Variants in LY6G5C observed in about 807,000 individuals in gnomAD.
LY6G5C encodes the protein lymphocyte antigen 6 complex locus protein G5c.
In LY6G5C, 6 loss-of-function variants were observed where a neutral mutation model predicts 10.5. That is an observed-to-expected ratio of 0.57 (90% CI 0.31 to 1.12). The LOEUF (loss-of-function observed/expected upper bound fraction) is 1.12, where lower values mean the gene tolerates loss of function less well. Among genes scored for constraint, LY6G5C ranks in the 50% most tolerant of loss-of-function variants. The probability of loss-of-function intolerance (pLI) is 0.05; values close to 1 mark genes in which losing one functional copy is unlikely to be tolerated. For missense variants in LY6G5C, 160 were observed against 185.5 expected (o/e 0.86, Z 0.80); for synonymous variants, 69 against 67.8 (o/e 1.02, Z -0.09).
chr6:31,677,086 T>G, exon 3 of LY6G5C: 1 of 1,612,776 alleles, frequency 6.2e-7, no homozygotes, highest in Non-Finnish European at 8.5e-7. Context: ...GCTCCTTACT[T>G]CGGCAGTCAC....
rs764370491 is a variant in LY6G5C at position 31,680,227 on chromosome 6, C to A, written c.121+26G>T. On this transcript the variant is annotated intron_variant, in intron 1 of 2. Transcript: ENST00000383237. This position sits in a 1 kb window ranked among gnomAD's most constrained non-coding sequence, Gnocchi z 4.5. ...GGTTTCTCCATCCAGGCCAGGAGAC[C>A]CTTCTGAACCCTTGGAGCCACTTAC... 6.2e-7 allele frequency: 1 copy of A among 1,612,860 alleles called. No homozygotes were observed. The highest frequency in any genetic ancestry group is 8.5e-7 in the Non-Finnish European group (1 of 1,179,988).
exon 3 of LY6G5C, chr6:31,676,968 A>T: frequency 6.2e-7 from 1 of 1,613,058 alleles, no homozygotes; most frequent in South Asian, 1.1e-5. Context: ...TAAGGAGTAT[A>T]GAGCCCTCTG....
intron 2 of LY6G5C, 32 bp from the exon 3 acceptor site, chr6:31,677,152 G>A (rs1802626332): frequency 6.2e-7 from 1 of 1,607,336 alleles, no homozygotes; most frequent in Admixed American, 1.7e-5. Context: ...CAGTGATACG[G>A]AAGTCCCCAG....
chr6:31,676,719 C>A, downstream of LY6G5C: 1 of 493,544 alleles, frequency 2.0e-6, no homozygotes, highest in East Asian at 3.0e-5. Flanking sequence ...GGAGAAACAT[C>A]CAGGGACTAG....
chr6:31,676,767 G>A (rs1479832893), exon 3 of LY6G5C: 4 of 568,370 alleles, frequency 7.0e-6, no homozygotes, highest in African/African-American at 1.9e-5. Flanking sequence ...GTAGGGCTGG[G>A]GGTACAGAGT....
chr6:31,678,421 C>A (rs1477909234), intron 2 of LY6G5C, among the ~76,000 whole-genome samples: 1 of 152,136 alleles, frequency 6.6e-6, no homozygotes, highest in Non-Finnish European at 1.5e-5. Flanking sequence ...AAGGACCAAA[C>A]CTTGGTGAAC....
chr6:31,677,763 CG>C (rs1712637428), intron 2 of LY6G5C, among the ~76,000 whole-genome samples: 1 of 151,734 alleles, frequency 6.6e-6, no homozygotes, highest in African/African-American at 2.4e-5. Context: ...TGGGTTGGGG[CG>C]GGGGAAGAGG....
At position 31,680,331 on chromosome 6, in the gene LY6G5C, G is replaced by T. The variant is rs780218732; in HGVS notation, c.43C>A (p.Pro15Thr). 6.2e-7 allele frequency: 1 copy of T among 1,609,872 alleles called. No individual in the cohort carries two copies. The highest frequency in any genetic ancestry group is 1.1e-5 in the South Asian group (1 of 90,890). Reference sequence around the variant, plus strand: ...TGGGGGCTGCTGTGGAAGCACAGGGGACCCAGACTCTGGCTCCCTGCAGGG... The same window carrying T: ...TGGGGGCTGCTGTGGAAGCACAGGGTACCCAGACTCTGGCTCCCTGCAGGG... The change falls in exon 1 of 3, where the codon CCC becomes ACC. Residue 15 changes from proline (P) to threonine (T), a missense_variant. Transcript: ENST00000383237. The surrounding 1 kb of genome is among the most constrained non-coding windows in gnomAD (Gnocchi z 4.5).
intron 2 of LY6G5C, among the ~76,000 whole-genome samples, chr6:31,677,450 T>C (rs1350799734): frequency 6.6e-6 from 1 of 152,174 alleles, no homozygotes; most frequent in Non-Finnish European, 1.5e-5. Flanking sequence ...TGTATTGTTA[T>C]TTATTTTTCA....
intron 2 of LY6G5C, among the ~76,000 whole-genome samples, chr6:31,678,432 A>G (rs1262028211): frequency 6.6e-6 from 1 of 152,232 alleles, no homozygotes; most frequent in Non-Finnish European, 1.5e-5. Flanking sequence ...CTTGGTGAAC[A>G]TGAACCACTA....
intron 2 of LY6G5C, among the ~76,000 whole-genome samples, chr6:31,678,498 G>A (rs565920552): frequency 1.3e-5 from 2 of 152,324 alleles, no homozygotes; most frequent in South Asian, 4.1e-4. Flanking sequence ...GGAGGATGCA[G>A]GAGAAGAGCA....
chr6:31,679,617 G>A lies in LY6G5C; in HGVS notation c.122-349C>T, dbSNP rs1802771867. On this transcript the variant is annotated intron_variant, in intron 1 of 2. Coordinates refer to ENST00000383237, the Ensembl canonical transcript of LY6G5C. This position sits in a 1 kb window ranked among gnomAD's most constrained non-coding sequence, Gnocchi z 4.4. ...TGGACTCAGTCTTGTTCTATCCTGT[G>A]GATTCTGGTTTTCTCATCCAGCACA... is the stretch of plus-strand genomic sequence containing the variant. The A allele has an allele frequency of 2.8e-6, 1 of 359,450 alleles. No individual in the cohort carries two copies. Among genetic ancestry groups the A allele is most frequent in the East Asian group, 5.1e-5 (1 of 19,604 alleles). 22.3% of individuals were successfully genotyped at this position (359,450 alleles called of 1,614,324 possible).
At position 31,679,758 on chromosome 6, in the gene LY6G5C, C is replaced by A. The variant is rs757180136; in HGVS notation, c.122-490G>T. On this transcript the variant is annotated intron_variant, in intron 1 of 2. Coordinates refer to ENST00000383237, the Ensembl canonical transcript of LY6G5C. This position sits in a 1 kb window ranked among gnomAD's most constrained non-coding sequence, Gnocchi z 4.4. The stretch of plus-strand genomic sequence containing the variant: ...GCCCTGGGGTGGTCACTAGAAATCT[C>A]CTTCAGAGGCTGGGTGCGGTGGCTC... 95 of 190,394 alleles carry A rather than the reference C, an allele frequency of 5.0e-4. No homozygotes were observed. The highest frequency in any genetic ancestry group is 2.6e-3 in the Middle Eastern group (1 of 392). 11.8% of individuals were successfully genotyped at this position (190,394 alleles called of 1,614,324 possible).
In LY6G5C at chr6:31,680,116, T is replaced by A. The variant is rs1431042458; in HGVS notation, c.121+137A>T. ...CATCAGTCCATGAGCAGGCATTCCC[T>A]ACCAAACCCATCTGTCCCATCTCTC... is the stretch of plus-strand genomic sequence containing the variant. On this transcript the variant is annotated intron_variant, in intron 1 of 2. Transcript: ENST00000383237. The surrounding 1 kb of genome is among the most constrained non-coding windows in gnomAD (Gnocchi z 4.5). 3.1e-6 allele frequency: 3 copies of A among 972,442 alleles called. No individual in the cohort carries two copies. In the Admixed American group the frequency reaches 6.0e-5, roughly 19 times the overall value. 60.2% of individuals were successfully genotyped at this position (972,442 alleles called of 1,614,324 possible).
At chr6:31,678,969 C>CAAA (rs9281552) in intron 2 of LY6G5C, 132 bp downstream of exon 2, 442 of 877,600 alleles carry the variant, frequency 5.0e-4, no homozygotes, top group Middle Eastern at 7.4e-4. Flanking sequence ...GACAGAGCAG[C>CAAA]AAAAAAAAAA....
rs1354278325 is a variant in LY6G5C, at chr6:31,679,544, G to T, written c.122-276C>A. On this transcript the variant is annotated intron_variant, in intron 1 of 2. Coordinates refer to ENST00000383237, the Ensembl canonical transcript of LY6G5C. The surrounding 1 kb of genome is among the most constrained non-coding windows in gnomAD (Gnocchi z 4.4). ...GTGCTAAACCAACACTTTGAATCCT[G>T]TGTCTCTGTGGCTGGTGCTTTGCAG... 1 of 513,294 alleles carries T rather than the reference G, an allele frequency of 1.9e-6. No homozygotes were observed. The allele number at this position is 513,294 out of a possible 1,614,324, so 31.8% of individuals were successfully genotyped here. A position where few individuals can be genotyped will look rare whatever the true frequency, so the allele number is the denominator to read the frequency against.
At position 31,679,504 on chromosome 6, in the gene LY6G5C, G is replaced by A; in HGVS notation, c.122-236C>T. 1.7e-6 allele frequency: 1 copy of A among 577,758 alleles called. No individual in the cohort carries two copies. Among genetic ancestry groups the A allele is most frequent in the South Asian group, 2.1e-5 (1 of 46,584 alleles). The allele number at this position is 577,758 out of a possible 1,614,324, so 35.8% of individuals were successfully genotyped here. Reference sequence around the variant, plus strand: ...CCCCAGACCCAGCAGAGCACTTGGTGTTAGGCAGAGGAAAGTGCTAAACCA... The same window carrying A: ...CCCCAGACCCAGCAGAGCACTTGGTATTAGGCAGAGGAAAGTGCTAAACCA... On this transcript the variant is annotated intron_variant, in intron 1 of 2. Transcript: ENST00000383237. The surrounding 1 kb of genome is among the most constrained non-coding windows in gnomAD (Gnocchi z 4.4).
rs1802735390 is a variant in LY6G5C, at chr6:31,679,045, TGAGA to T, written c.289+52_289+55del. The stretch of plus-strand genomic sequence containing the variant: ...AGACTTGGGGTGCAGCTTAGGAGGC[TGAGA>T]GAGTTTCCGTTTGGGAGAGTGCTGG... On this transcript the variant is annotated intron_variant, in intron 2 of 2. Coordinates refer to ENST00000383237, the Ensembl canonical transcript of LY6G5C. This position sits in a 1 kb window ranked among gnomAD's most constrained non-coding sequence, Gnocchi z 4.4. 6.4e-7 allele frequency: 1 copy of T among 1,571,060 alleles called. No homozygotes were observed. The highest frequency in any genetic ancestry group is 8.8e-7 in the Non-Finnish European group (1 of 1,142,664).
chr6:31,677,006 A>G, exon 3 of LY6G5C: 1 of 1,613,034 alleles, frequency 6.2e-7, no homozygotes, highest in Non-Finnish European at 8.5e-7. Flanking sequence ...GAAATCCAGG[A>G]AGCAGTATTG....
Sources: allele counts gnomAD v4.1 joint callset (sites outside exome capture counted in the v4.1 genomes callset), GRCh38; gene constraint gnomAD v4.1.1; non-coding constraint Gnocchi (gnomAD v3.1); transcripts MANE v1.5; gene names NCBI Gene and HGNC (gene_info 2026-07-23, HGNC 2026-07-21).